Variants in NFATC2 observed in about 807,000 individuals in gnomAD.
NFATC2 encodes the protein nuclear factor of activated T-cells, cytoplasmic 2.
In NFATC2, 22 loss-of-function variants were observed where a neutral mutation model predicts 87.3. That is an observed-to-expected ratio of 0.25 (90% confidence interval 0.18 to 0.36). The LOEUF is 0.36. NFATC2 is among the 10% of genes least tolerant of loss of function. The pLI, the probability that NFATC2 is intolerant of heterozygous loss-of-function variation, is 1.00. For missense variants in NFATC2, 1,149 were observed against 1,259.1 expected (o/e 0.91, Z 1.32); for synonymous variants, 565 against 542.2 (o/e 1.04, Z -0.58).
chr20:51,487,678 C>T (rs377391681), intron 3 of NFATC2, among the ~76,000 whole-genome samples: 17 of 152,168 alleles, frequency 1.1e-4, no homozygotes, highest in East Asian at 1.9e-4. Context: ...GCAGGACAGC[C>T]GGCCGAGCCA....
chr20:51,489,846 C>T (rs556990233), intron 3 of NFATC2, among the ~76,000 whole-genome samples: 15 of 152,286 alleles, frequency 9.8e-5, no homozygotes, highest in Admixed American at 5.2e-4. Flanking sequence ...TCCAAAAGAA[C>T]GTCTAGAAAG....
At chr20:51,397,641 T>G (rs893420745) in intron 10 of NFATC2, among the ~76,000 whole-genome samples, 1 of 152,128 alleles carries the variant, frequency 6.6e-6, no homozygotes, top group Non-Finnish European at 1.5e-5. Context: ...ATTCCTCAGA[T>G]GCAAAAAGTC....
intron 6 of NFATC2, among the ~76,000 whole-genome samples, chr20:51,437,642 G>A (rs372102756): frequency 1.4e-4 from 21 of 151,926 alleles, no homozygotes; most frequent in African/African-American, 3.9e-4. Context: ...CAAGGAACAC[G>A]CAATGAACAC....
chr20:51,462,529 A>G (rs1987267583), intron 5 of NFATC2, among the ~76,000 whole-genome samples: 1 of 152,220 alleles, frequency 6.6e-6, no homozygotes, highest in Admixed American at 6.5e-5. Flanking sequence ...ATTTTTAAAA[A>G]TATTATAAAA....
Position 51,562,491 on chromosome 20 carries a change from G to T in NFATC2, c.70+69C>A. The T allele has an allele frequency of 7.2e-7, 1 of 1,385,878 alleles. No individual in the cohort carries two copies. The highest frequency in any genetic ancestry group is 1.0e-6 in the Non-Finnish European group (1 of 1,002,950). The allele number at this position is 1,385,878 out of a possible 1,614,324, so 85.8% of individuals were successfully genotyped here. A position where few individuals can be genotyped will look rare whatever the true frequency, so the allele number is the denominator to read the frequency against. On this transcript the variant is annotated intron_variant, in intron 1 of 10. Transcript: ENST00000414705. The surrounding 1 kb of genome is among the most constrained non-coding windows in gnomAD (Gnocchi z 5.8). ...GCCGGGAGCTGAAAGTGCTGCCCGG[G>T]ACGGGAGCAGCAGGAAAGGGCCGGG... is the stretch of plus-strand genomic sequence containing the variant.
At chr20:51,547,285 G>A (rs2076897277), upstream of NFATC2, among the ~76,000 whole-genome samples, 1 of 152,096 alleles carries the variant, frequency 6.6e-6, no homozygotes, top group African/African-American at 2.4e-5. Context: ...AATGTGGAAG[G>A]ATTCACAAGA....
chr20:51,543,086 C>T (rs765101897), upstream of NFATC2, among the ~76,000 whole-genome samples: 139 of 152,280 alleles, frequency 9.1e-4, 2 homozygotes, highest in Non-Finnish European at 1.6e-3. Flanking sequence ...GTATCCACCC[C>T]CTTCTATTGC....
chr20:51,403,952 T>TG (rs1988306125), intron 9 of NFATC2, among the ~76,000 whole-genome samples: 1 of 152,238 alleles, frequency 6.6e-6, no homozygotes, highest in South Asian at 2.1e-4. Flanking sequence ...GGTAGGCATC[T>TG]GGCCAGTGAA....
chr20:51,561,483 G>GC (rs1568765908), intron 1 of NFATC2, among the ~76,000 whole-genome samples: 1,846 of 106,634 alleles, frequency 0.017, 6 homozygotes, highest in Middle Eastern at 0.03. Context: ...AAGAAAGAAA[G>GC]AAAGCAAGCA....
intron 9 of NFATC2, among the ~76,000 whole-genome samples, chr20:51,424,021 A>G (rs1981376205): frequency 6.6e-6 from 1 of 152,224 alleles, no homozygotes; most frequent in Admixed American, 6.5e-5. Flanking sequence ...TAAGTGGCAC[A>G]GCTTGAAATC....
At position 51,432,777 on chromosome 20, in the gene NFATC2, A is replaced by T. The variant is rs376281721; in HGVS notation, c.2033-21T>A. ...TGGGACTGGGAGGAGAAAAGAGCAC[A>T]TAGGGGCGCCCATGGCAGTGAGCCA... On this transcript the variant is annotated intron_variant, in intron 8 of 10. Transcript: ENST00000371564. This position sits in a 1 kb window ranked among gnomAD's most constrained non-coding sequence, Gnocchi z 4.6. 2 of 1,536,752 alleles carry T rather than the reference A, an allele frequency of 1.3e-6. No individual in the cohort carries two copies. The highest frequency in any genetic ancestry group is 8.7e-7 in the Non-Finnish European group (1 of 1,151,304).
At chr20:51,544,178 G>A (rs934604517), upstream of NFATC2, among the ~76,000 whole-genome samples, 1 of 151,526 alleles carries the variant, frequency 6.6e-6, no homozygotes, top group African/African-American at 2.4e-5. Context: ...TAGTAGAGAT[G>A]GGGTTTCACT....
At chr20:51,423,743 G>T (rs1361806869) in intron 9 of NFATC2, among the ~76,000 whole-genome samples, 2 of 152,182 alleles carry the variant, frequency 1.3e-5, no homozygotes, top group Non-Finnish European at 2.9e-5. Flanking sequence ...CTCTCACTTG[G>T]TCCTCTTTTT....
At chr20:51,519,960 A>G (rs948562424) in intron 2 of NFATC2, among the ~76,000 whole-genome samples, 10 of 151,918 alleles carry the variant, frequency 6.6e-5, no homozygotes, top group Non-Finnish European at 1.3e-4. Context: ...CATCAGAGCC[A>G]GCATGAAATT....
At chr20:51,411,516 C>CTTTTTTTTTTTTTTTTTT (rs67935951) in intron 9 of NFATC2, among the ~76,000 whole-genome samples, 1 of 87,250 alleles carries the variant, frequency 1.1e-5, no homozygotes, top group African/African-American at 4.2e-5. Context: ...ATGCAATTGT[C>CTTTTTTTTTTTTTTTTTT]TTTTTTTTTT....
At chr20:51,475,271 C>T (rs1300498638) in intron 4 of NFATC2, among the ~76,000 whole-genome samples, 187 bp downstream of exon 4, 1 of 152,112 alleles carries the variant, frequency 6.6e-6, no homozygotes, top group Non-Finnish European at 1.5e-5. Context: ...GCCCGGCCTA[C>T]ATATTATGCT....
Position 51,516,959 on chromosome 20 carries a change from A to C in NFATC2, c.1161-4T>G, listed in dbSNP as rs1486794351. On this transcript the variant is annotated splice_polypyrimidine_tract_variant and splice_region_variant and intron_variant, in intron 2 of 10. Coordinates refer to ENST00000371564, the MANE Select transcript of NFATC2 (RefSeq NM_012340.5). ...GAGGGATGCAGTCACTGGGATGCTA[A>C]AGGAGAAAATAAAATCAGCCATGTG... 2 of 1,598,810 alleles carry C rather than the reference A, an allele frequency of 1.3e-6. No individual in the cohort carries two copies. Among genetic ancestry groups the C allele is most frequent in the South Asian group, 2.2e-5 (2 of 89,026 alleles).
intron 9 of NFATC2, among the ~76,000 whole-genome samples, chr20:51,404,848 T>G (rs1217436779): frequency 6.6e-6 from 1 of 152,102 alleles, no homozygotes; most frequent in South Asian, 2.1e-4. Flanking sequence ...TCACTGACGC[T>G]CTCTGCAAAC....
upstream of NFATC2, chr20:51,562,641 G>C (rs1485677237): frequency 6.5e-7 from 1 of 1,550,042 alleles, no homozygotes; most frequent in Non-Finnish European, 8.7e-7. The surrounding 1 kb of genome is among the most constrained non-coding windows in gnomAD (Gnocchi z 5.8). Flanking sequence ...TGGAGGGCAC[G>C]GGGACTTGGC....
Sources: allele counts gnomAD v4.1 joint callset (sites outside exome capture counted in the v4.1 genomes callset), GRCh38; gene constraint gnomAD v4.1.1; non-coding constraint Gnocchi (gnomAD v3.1); transcripts MANE v1.5; gene names NCBI Gene and HGNC (gene_info 2026-07-23, HGNC 2026-07-21).